The following ESRRG variants were observed in gnomAD, a reference collection of about 807,000 sequenced individuals.
ESRRG encodes the protein estrogen related receptor gamma.
In ESRRG, 13 loss-of-function variants were observed where a neutral mutation model predicts 44.0. The ratio of observed to expected loss-of-function variants is 0.30; its 90% CI spans 0.19 to 0.47. The LOEUF (loss-of-function observed/expected upper bound fraction) is 0.47, where lower values mean the gene tolerates loss of function less well. Among genes scored for constraint, ESRRG ranks in the 20% least tolerant of loss-of-function variants. The pLI, the probability that ESRRG is intolerant of heterozygous loss-of-function variation, is 1.00. For missense variants in ESRRG, 395 were observed against 580.6 expected (o/e 0.68, Z 3.29); for synonymous variants, 215 against 214.6 (o/e 1.00, Z -0.02).
At chr1:216,894,458 T>C (rs1261143984) in intron 2 of ESRRG, among the ~76,000 whole-genome samples, 1 of 152,060 alleles carries the variant, frequency 6.6e-6, no homozygotes, top group African/African-American at 2.4e-5. Flanking sequence ...GTGAATCATC[T>C]ATATTTACAC....
At chr1:216,550,451 A>G (rs2055950625) in intron 5 of ESRRG, among the ~76,000 whole-genome samples, 1 of 152,152 alleles carries the variant, frequency 6.6e-6, no homozygotes, top group Admixed American at 6.6e-5. Flanking sequence ...ATGAGCAATA[A>G]TGCCTTGTTT....
chr1:216,791,772 C>T (rs940738838), intron 2 of ESRRG, among the ~76,000 whole-genome samples: 4 of 152,182 alleles, frequency 2.6e-5, no homozygotes, highest in South Asian at 2.1e-4. Context: ...ACAAGAAAGT[C>T]GGCTAGTGAA....
rs1335913983 is a variant in ESRRG, at chr1:216,619,166, C to T, written c.589+31807G>A. Among the ~76,000 whole-genome samples, 12 of 152,124 alleles carry T rather than the reference C, an allele frequency of 7.9e-5. 1 individual carries two copies. The highest frequency in any genetic ancestry group is 1.8e-4 in the Non-Finnish European group (12 of 68,026). ...AGAAGGGAAAGACTTCCTAATATTGCACAGTTCTGGTGGTTGGAATGTGTA... is the reference window on the plus strand; with the variant it reads ...AGAAGGGAAAGACTTCCTAATATTGTACAGTTCTGGTGGTTGGAATGTGTA... On this transcript the variant is annotated intron_variant, in intron 3 of 6. Transcript: ENST00000408911.
chr1:217,079,543 A>G, intron 1 of ESRRG, among the ~76,000 whole-genome samples: 1 of 152,192 alleles, frequency 6.6e-6, no homozygotes, highest in Non-Finnish European at 1.5e-5. Context: ...AATGTAATGA[A>G]TAGACTCTGG....
At chr1:216,521,844 G>A (rs1303030165) in intron 5 of ESRRG, among the ~76,000 whole-genome samples, 1 of 152,002 alleles carries the variant, frequency 6.6e-6, no homozygotes, top group African/African-American at 2.4e-5. Flanking sequence ...GCTGTTTCAG[G>A]ACACATTAAT....
At position 216,677,511 on chromosome 1, in the gene ESRRG, A is replaced by G. The variant is rs1253476706; in HGVS notation, c.57-20T>C. 5.1e-6 allele frequency: 8 copies of G among 1,573,676 alleles called. No homozygotes were observed. In the South Asian group the frequency reaches 7.1e-5, roughly 14 times the overall value. On this transcript the variant is annotated intron_variant, in intron 1 of 6. Transcript: ENST00000408911. The stretch of plus-strand genomic sequence containing the variant: ...AGAAGCCTGAGATTGAGGAGATACA[A>G]AGAGAGACAGAAAGAGGAGAGAGTG...
At chr1:216,898,361 T>C (rs1343796971) in intron 2 of ESRRG, among the ~76,000 whole-genome samples, 1 of 152,182 alleles carries the variant, frequency 6.6e-6, no homozygotes, top group Non-Finnish European at 1.5e-5. Flanking sequence ...CTCACGCCTG[T>C]AATCCCAGCA....
intron 3 of ESRRG, among the ~76,000 whole-genome samples, chr1:216,613,667 T>C (rs1276079978): frequency 6.6e-6 from 1 of 152,210 alleles, no homozygotes; most frequent in Non-Finnish European, 1.5e-5. Flanking sequence ...TGTATTTTAC[T>C]GTTCACATCC....
chr1:216,594,169 G>T (rs1573748881), intron 3 of ESRRG, among the ~76,000 whole-genome samples: 1 of 152,038 alleles, frequency 6.6e-6, no homozygotes, highest in South Asian at 2.1e-4. Flanking sequence ...TTATCTCTTT[G>T]GGCCTTAGCT....
At chr1:216,870,702 A>C (rs2096247978) in intron 2 of ESRRG, among the ~76,000 whole-genome samples, 1 of 151,996 alleles carries the variant, frequency 6.6e-6, no homozygotes, top group Non-Finnish European at 1.5e-5. Flanking sequence ...TGGTTTGCCT[A>C]TGTTATCTTG....
At chr1:216,944,312 T>G (rs11572483) in intron 1 of ESRRG, among the ~76,000 whole-genome samples, 2,217 of 152,312 alleles carry the variant, frequency 0.015, 18 homozygotes, top group Non-Finnish European at 0.02. Flanking sequence ...CCAAGATCCT[T>G]GAGTCTAGCA....
At chr1:216,923,794 A>G (rs931676032) in intron 2 of ESRRG, among the ~76,000 whole-genome samples, 3 of 152,168 alleles carry the variant, frequency 2.0e-5, no homozygotes, top group African/African-American at 7.2e-5. Context: ...CAGTGTCACA[A>G]TGAAGGGCCT....
At chr1:217,091,462 T>C (rs190818786), upstream of ESRRG, among the ~76,000 whole-genome samples, 208 of 152,332 alleles carry the variant, frequency 1.4e-3, 1 homozygote, top group Non-Finnish European at 1.3e-4. Context: ...CTAGATCTTT[T>C]CCCTTTAGAG....
intron 2 of ESRRG, among the ~76,000 whole-genome samples, chr1:216,888,420 AT>A (rs2057339861): frequency 6.6e-6 from 1 of 152,126 alleles, no homozygotes; most frequent in African/African-American, 2.4e-5. Flanking sequence ...TTCTGAGACT[AT>A]TTGCTTGTTT....
At chr1:216,917,214 C>CAAGA (rs1170689142) in intron 2 of ESRRG, among the ~76,000 whole-genome samples, 17 of 146,034 alleles carry the variant, frequency 1.2e-4, no homozygotes, top group Non-Finnish European at 1.9e-4. Flanking sequence ...GAAGTGAAAT[C>CAAGA]TGCCAGGTCT....
intron 2 of ESRRG, among the ~76,000 whole-genome samples, chr1:216,745,142 T>C (rs916729262): frequency 6.8e-6 from 1 of 147,692 alleles, no homozygotes; most frequent in Admixed American, 6.7e-5. Flanking sequence ...TCTTTCATCC[T>C]TTTTTTGTTT....
At chr1:216,628,713 C>T (rs930730642) in intron 3 of ESRRG, among the ~76,000 whole-genome samples, 1 of 152,106 alleles carries the variant, frequency 6.6e-6, no homozygotes, top group Admixed American at 6.5e-5. Flanking sequence ...CATAGTGTTC[C>T]TACTAAAACA....
intron 3 of ESRRG, among the ~76,000 whole-genome samples, chr1:216,616,211 A>G (rs2061413167): frequency 1.3e-5 from 2 of 152,254 alleles, no homozygotes; most frequent in Admixed American, 6.5e-5. Context: ...AGACTTGGAA[A>G]GTAACTACCT....
At chr1:216,723,120 C>T in intron 1 of ESRRG, 124 bp downstream of exon 1, 1 of 761,614 alleles carries the variant, frequency 1.3e-6, no homozygotes, top group East Asian at 2.7e-5. Flanking sequence ...CAGACACAAA[C>T]AAGCAGTCGT....
Sources: gnomAD v4.1 joint callset for allele counts (sites outside exome capture counted in the v4.1 genomes callset) on GRCh38, gnomAD v4.1.1 for gene constraint, MANE v1.5 for transcripts, NCBI Gene and HGNC (gene_info 2026-07-23, HGNC 2026-07-21) for gene names.